Variants in ZBTB20 observed in about 807,000 individuals in gnomAD.
The protein encoded by ZBTB20 is zinc finger and BTB domain containing 20.
In ZBTB20, 9 loss-of-function variants were observed where a neutral mutation model predicts 56.9. That is an observed-to-expected ratio of 0.16 (90% CI 0.10 to 0.28). The LOEUF (loss-of-function observed/expected upper bound fraction) is 0.28, where lower values mean the gene tolerates loss of function less well. Among genes scored for constraint, ZBTB20 ranks in the 10% least tolerant of loss-of-function variants. ZBTB20 has a pLI of 1.00. For synonymous variants in ZBTB20, 417 were observed against 420.7 expected (o/e 0.99, Z 0.11); for missense variants, 655 against 1,003.0 (o/e 0.65, Z 4.69).
chr3:114,607,531 G>A (rs1342705467), intron 6 of ZBTB20, among the ~76,000 whole-genome samples: 1 of 152,114 alleles, frequency 6.6e-6, no homozygotes, highest in South Asian at 2.1e-4. Flanking sequence ...TCGAACTCCC[G>A]ACCTCAGGTG....
intron 5 of ZBTB20, among the ~76,000 whole-genome samples, chr3:114,731,130 T>C (rs1268231575): frequency 6.6e-6 from 1 of 152,176 alleles, no homozygotes; most frequent in African/African-American, 2.4e-5. Context: ...AATTTATCTT[T>C]TAGATGACTG....
chr3:115,141,314 C>T (rs1448222926), intron 1 of ZBTB20, among the ~76,000 whole-genome samples: 1 of 152,158 alleles, frequency 6.6e-6, no homozygotes, highest in Admixed American at 6.5e-5. Flanking sequence ...AATCTGGATT[C>T]CTGTTGCTAC....
chr3:114,772,068 C>T (rs760730988), intron 5 of ZBTB20, among the ~76,000 whole-genome samples: 1 of 152,094 alleles, frequency 6.6e-6, no homozygotes, highest in African/African-American at 2.4e-5. Context: ...TGTGAATCAC[C>T]TGTATTAAAA....
rs778512195 is a variant in ZBTB20 at position 114,955,773 on chromosome 3, CAACA to C, written c.-456+18589_-456+18592del. Reference sequence around the variant, plus strand: ...TCAGTTCTTCTGGGTAAGGTTAAACCAACAAACAAACAAACAAAAAAATGGAGGT... The same window carrying C: ...TCAGTTCTTCTGGGTAAGGTTAAACCAACAAACAAACAAAAAAATGGAGGT... On this transcript the variant is annotated intron_variant, in intron 3 of 11. Coordinates refer to ENST00000675478, the MANE Select transcript of ZBTB20 (RefSeq NM_001348800.3). 3.1e-4 allele frequency among the ~76,000 whole-genome samples: 47 copies of C among 152,098 alleles called. No individual in the cohort carries two copies. In the East Asian group the frequency reaches 3.9e-3, roughly 13 times the overall value.
In ZBTB20 at chr3:115,065,141, C is replaced by CT. The variant is rs572492906; in HGVS notation, c.-507+6077dup. Among the ~76,000 whole-genome samples the CT allele has an allele frequency of 2.0e-4, 30 of 151,858 alleles. No homozygotes were observed. The East Asian group carries it at 4.5e-3, about 23-fold the overall frequency. ...TCTCTCCTATTTTCCATTTATTTGACTTTTTTTTGCTCTATTTTCAGGAAA... is the reference window on the plus strand; with the variant it reads ...TCTCTCCTATTTTCCATTTATTTGACTTTTTTTTTGCTCTATTTTCAGGAAA... On this transcript the variant is annotated intron_variant, in intron 2 of 11. Coordinates refer to ENST00000675478, the MANE Select transcript of ZBTB20 (RefSeq NM_001348800.3).
intron 10 of ZBTB20, among the ~76,000 whole-genome samples, chr3:114,377,611 TCACCAA>T (rs2083802209): frequency 6.6e-6 from 1 of 152,164 alleles, no homozygotes; most frequent in Non-Finnish European, 1.5e-5. Context: ...TACAACCCAG[TCACCAA>T]TATGAGTAGT....
intron 7 of ZBTB20, among the ~76,000 whole-genome samples, chr3:114,389,620 T>C (rs546688778): frequency 1.3e-5 from 2 of 152,220 alleles, no homozygotes; most frequent in South Asian, 4.1e-4. Flanking sequence ...CTGGGTGTGC[T>C]GGCTCACACC....
At chr3:114,934,327 A>T (rs1452228050) in intron 3 of ZBTB20, among the ~76,000 whole-genome samples, 3 of 152,082 alleles carry the variant, frequency 2.0e-5, no homozygotes, top group African/African-American at 7.2e-5. Flanking sequence ...GCTGCCCACG[A>T]TTCCTCAAAT....
At chr3:114,546,904 A>G (rs2049956295) in intron 6 of ZBTB20, among the ~76,000 whole-genome samples, 1 of 152,198 alleles carries the variant, frequency 6.6e-6, no homozygotes, top group Non-Finnish European at 1.5e-5. Flanking sequence ...AGAGAAGAAT[A>G]CCATAGAGTG....
chr3:114,643,475 A>G (rs1283986061), intron 6 of ZBTB20, among the ~76,000 whole-genome samples: 1 of 152,146 alleles, frequency 6.6e-6, no homozygotes, highest in Non-Finnish European at 1.5e-5. Flanking sequence ...CTTCAATTAA[A>G]TGATCCCTTT....
intron 1 of ZBTB20, among the ~76,000 whole-genome samples, chr3:115,143,988 G>C (rs1378155659): frequency 6.6e-6 from 1 of 152,152 alleles, no homozygotes; most frequent in African/African-American, 2.4e-5. Flanking sequence ...AAGTGTGTGT[G>C]ACATTAGAAT....
At chr3:114,812,398 C>T (rs986690798) in intron 4 of ZBTB20, among the ~76,000 whole-genome samples, 1 of 151,952 alleles carries the variant, frequency 6.6e-6, no homozygotes, top group Non-Finnish European at 1.5e-5. Flanking sequence ...AGAGTGTCGA[C>T]TGGTGCATTC....
At chr3:114,745,762 A>T (rs189174460) in intron 5 of ZBTB20, among the ~76,000 whole-genome samples, 255 of 152,310 alleles carry the variant, frequency 1.7e-3, no homozygotes, top group African/African-American at 5.9e-3. Flanking sequence ...ATGGAGAGAG[A>T]ACTAACCACA....
At chr3:114,636,387 A>G (rs2059273707) in intron 6 of ZBTB20, among the ~76,000 whole-genome samples, 1 of 152,136 alleles carries the variant, frequency 6.6e-6, no homozygotes, top group South Asian at 2.1e-4. Flanking sequence ...GTCAAATACT[A>G]GAGACCTCTA....
At chr3:114,424,024 C>G (rs993355954) in intron 7 of ZBTB20, among the ~76,000 whole-genome samples, 2 of 152,204 alleles carry the variant, frequency 1.3e-5, no homozygotes, top group Non-Finnish European at 2.9e-5. Context: ...GGAAGTAAAT[C>G]TAACACCTAT....
intron 6 of ZBTB20, among the ~76,000 whole-genome samples, chr3:114,625,432 T>C (rs1178390831): frequency 6.6e-6 from 1 of 152,150 alleles, no homozygotes; most frequent in Non-Finnish European, 1.5e-5. Context: ...GTTTTCCCAA[T>C]TCAGTAAGTA....
At chr3:114,839,719 G>A (rs2074302114) in intron 4 of ZBTB20, among the ~76,000 whole-genome samples, 1 of 152,146 alleles carries the variant, frequency 6.6e-6, no homozygotes, top group African/African-American at 2.4e-5. Flanking sequence ...GCCCAGGGAA[G>A]CCGTAAATCC....
At chr3:115,113,768 C>T (rs759647443) in intron 1 of ZBTB20, among the ~76,000 whole-genome samples, 3 of 152,122 alleles carry the variant, frequency 2.0e-5, no homozygotes, top group Non-Finnish European at 4.4e-5. Flanking sequence ...AATGTGGAAG[C>T]AGCAGCAGCA....
chr3:114,961,112 TAAA>T (rs145203846), intron 3 of ZBTB20, among the ~76,000 whole-genome samples: 2 of 137,186 alleles, frequency 1.5e-5, no homozygotes, highest in African/African-American at 2.7e-5. Context: ...CTTCTACAGG[TAAA>T]AAAAAAAAAA....
Sources: gnomAD v4.1 joint callset for allele counts (sites outside exome capture counted in the v4.1 genomes callset) on GRCh38, gnomAD v4.1.1 for gene constraint, MANE v1.5 for transcripts, NCBI Gene and HGNC (gene_info 2026-07-23, HGNC 2026-07-21) for gene names.